The following RETREG3 variants were observed in gnomAD, a reference collection of about 807,000 sequenced individuals.
RETREG3 encodes reticulophagy regulator family member 3, also known as reticulophagy regulator 3.
Under a neutral mutation model 50.2 loss-of-function variants are expected in RETREG3, and 23 were observed. The observed-to-expected ratio is 0.46, with a 90% CI of 0.33 to 0.65. The LOEUF (loss-of-function observed/expected upper bound fraction) is 0.65, where lower values mean the gene tolerates loss of function less well. Ranked by LOEUF, RETREG3 falls within the 30% of genes least tolerant of loss-of-function variation. The pLI, the probability that RETREG3 is intolerant of heterozygous loss-of-function variation, is 0.02. For synonymous variants in RETREG3, 240 were observed against 234.4 expected (o/e 1.02, Z -0.22); for missense variants, 546 against 598.0 (o/e 0.91, Z 0.91).
intron 1 of RETREG3, 61 bp downstream of exon 1, chr17:42,609,025 A>C: frequency 6.6e-7 from 1 of 1,505,344 alleles, no homozygotes; most frequent in Admixed American, 1.9e-5. Context: ...CGAGAAGTAG[A>C]GCCCTAGAGG....
intron 2 of RETREG3, 136 bp from the exon 3 acceptor site, chr17:42,588,000 AC>A: frequency 2.3e-6 from 2 of 887,486 alleles, no homozygotes; most frequent in South Asian, 2.8e-5. Context: ...AAAAGGAGAC[AC>A]TGTGTTATAC....
At chr17:42,593,936 A>C (rs1292947478) in intron 1 of RETREG3, among the ~76,000 whole-genome samples, 1 of 152,172 alleles carries the variant, frequency 6.6e-6, no homozygotes, top group Non-Finnish European at 1.5e-5. Context: ...CATGCCTGTA[A>C]TCCCAGCACT....
Position 42,581,591 on chromosome 17 carries a change from A to C in RETREG3, c.*222T>G. 1 of 516,866 alleles carries C rather than the reference A, an allele frequency of 1.9e-6. No homozygotes were observed. 32.0% of individuals were successfully genotyped at this position (516,866 alleles called of 1,614,324 possible). ...GATGGAGAGAAGCCTCCCTTGGGGG[A>C]GCACACTCTCACTTCAGTGACTGAG... On this transcript the variant is annotated 3_prime_UTR_variant, in exon 9 of 9. Coordinates refer to ENST00000309428, the MANE Select transcript of RETREG3 (RefSeq NM_178126.4).
rs1484593160 is a variant in RETREG3 at position 42,597,591 on chromosome 17, A to T, written c.240-5429T>A. 2.7e-3 allele frequency among the ~76,000 whole-genome samples: 22 copies of T among 8,082 alleles called. 1 individual carries two copies. Among genetic ancestry groups the T allele is most frequent in the African/African-American group, 6.2e-3 (21 of 3,380 alleles). 5.3% of individuals were successfully genotyped at this position (8,082 alleles called of 152,430 possible). On this transcript the variant is annotated intron_variant, in intron 1 of 8. Coordinates refer to ENST00000309428, the MANE Select transcript of RETREG3 (RefSeq NM_178126.4). ...ATATATATTTTGTGTGTATATATAT[A>T]TATATATATATATATATATATATAT...
chr17:42,601,209 G>A (rs1003778760), intron 1 of RETREG3, among the ~76,000 whole-genome samples: 1 of 151,900 alleles, frequency 6.6e-6, no homozygotes, highest in Non-Finnish European at 1.5e-5. Flanking sequence ...TCCGGGAGGC[G>A]GAGGTTGCAG....
At chr17:42,603,339 A>G (rs568353246) in intron 1 of RETREG3, among the ~76,000 whole-genome samples, 1 of 152,344 alleles carries the variant, frequency 6.6e-6, no homozygotes, top group East Asian at 1.9e-4. Context: ...AGGGCACTTC[A>G]AAACAAAGCA....
chr17:42,598,031 G>C (rs1391424571), intron 1 of RETREG3, among the ~76,000 whole-genome samples: 1 of 144,644 alleles, frequency 6.9e-6, no homozygotes, highest in South Asian at 2.2e-4. Context: ...GCCCAGGCTG[G>C]AGTACAGTGG....
intron 6 of RETREG3, among the ~76,000 whole-genome samples, chr17:42,584,301 G>C (rs1236958411): frequency 6.6e-6 from 1 of 152,130 alleles, no homozygotes; most frequent in Non-Finnish European, 1.5e-5. Context: ...AAGGGGACTT[G>C]GGCCTTGGTG....
chr17:42,587,899 T>C (rs1242817881), intron 2 of RETREG3, 35 bp from the exon 3 acceptor site: 35 of 1,613,282 alleles, frequency 2.2e-5, no homozygotes, highest in South Asian at 4.4e-5. Context: ...CATTAGTTGG[T>C]AGGGAAAACT....
intron 1 of RETREG3, among the ~76,000 whole-genome samples, chr17:42,606,355 G>A (rs927501481): frequency 6.6e-6 from 1 of 152,106 alleles, no homozygotes; most frequent in African/African-American, 2.4e-5. Flanking sequence ...AGCGGCAGAA[G>A]AAAGGTCCCC....
intron 1 of RETREG3, among the ~76,000 whole-genome samples, chr17:42,599,439 G>C (rs1257709962): frequency 6.6e-6 from 1 of 152,052 alleles, no homozygotes; most frequent in Admixed American, 6.6e-5. Flanking sequence ...TGGATAACCT[G>C]AGATCGGGAG....
intron 8 of RETREG3, 35 bp from the exon 9 acceptor site, chr17:42,582,305 C>T (rs1256302535): frequency 1.3e-6 from 2 of 1,561,952 alleles, no homozygotes; most frequent in Non-Finnish European, 1.7e-6. Flanking sequence ...GTCATGGCAC[C>T]TACCTGGCCC....
Position 42,609,299 on chromosome 17 carries a change from G to A in RETREG3, c.26C>T (p.Thr9Met), listed in dbSNP as rs144776175. Residue 9 changes from threonine to methionine, a missense_variant, in exon 1 of 9, where the codon ACG becomes ATG. Thr to Met is a moderately conservative substitution (Grantham distance 81). Transcript: ENST00000309428. MAEAEGVP[T>M]TPGPASGSTF... is the part of the protein sequence containing the mutation. ...CGACCCCGAAGCCGGGCCTGGGGTCGTGGGAACCCCTTCGGCCTCAGCCAT... is the reference window on the plus strand; with the variant it reads ...CGACCCCGAAGCCGGGCCTGGGGTCATGGGAACCCCTTCGGCCTCAGCCAT... 7.1e-5 allele frequency: 114 copies of A among 1,602,038 alleles called. No homozygotes were observed. In the African/African-American group the frequency reaches 1.4e-3, roughly 19 times the overall value.
Position 42,586,041 on chromosome 17 carries a change from T to C in RETREG3, c.589+12A>G, listed in dbSNP as rs772754039. ...GGGTATACTTTGTAGGGGAGGTATA[T>C]GTCATACTTACGCATCAAGTAGGAC... On this transcript the variant is annotated intron_variant, in intron 5 of 8. Transcript: ENST00000309428. The C allele has an allele frequency of 8.1e-6, 13 of 1,613,774 alleles. No homozygotes were observed. The highest frequency in any genetic ancestry group is 1.1e-5 in the Non-Finnish European group (13 of 1,179,816).
At chr17:42,586,953 T>G in intron 3 of RETREG3, 62 bp from the exon 4 acceptor site, 1 of 1,594,424 alleles carries the variant, frequency 6.3e-7, no homozygotes, top group Non-Finnish European at 8.5e-7. Flanking sequence ...CATCTTGCTG[T>G]GCAGGCAGCC....
intron 1 of RETREG3, 116 bp from the exon 2 acceptor site, chr17:42,592,278 G>A (rs773395042): frequency 2.7e-6 from 2 of 732,188 alleles, no homozygotes; most frequent in Non-Finnish European, 4.4e-6. Flanking sequence ...AGCTTTTTTT[G>A]TTCTGACACT....
intron 1 of RETREG3, among the ~76,000 whole-genome samples, chr17:42,596,074 G>A (rs1294739883): frequency 1.3e-5 from 2 of 151,660 alleles, no homozygotes; most frequent in East Asian, 1.9e-4. Flanking sequence ...TATCGTTGCC[G>A]AAAAATGTTT....
intron 2 of RETREG3, 79 bp from the exon 3 acceptor site, chr17:42,587,943 C>A: frequency 6.6e-7 from 1 of 1,522,296 alleles, no homozygotes; most frequent in East Asian, 2.3e-5. Flanking sequence ...GGTCTGACAG[C>A]TCAAGTTTTA....
chr17:42,587,789 G>A, intron 3 of RETREG3, 45 bp downstream of exon 3: 4 of 1,610,026 alleles, frequency 2.5e-6, no homozygotes, highest in South Asian at 1.1e-5. Context: ...TATTACAAGA[G>A]AATGAATCAG....
Sources: allele counts gnomAD v4.1 joint callset (sites outside exome capture counted in the v4.1 genomes callset), GRCh38; gene constraint gnomAD v4.1.1; transcripts MANE v1.5; gene names NCBI Gene and HGNC (gene_info 2026-07-23, HGNC 2026-07-21).